RHNO1: variants seen among roughly 807,000 people sequenced by gnomAD.
The protein encoded by RHNO1 is RAD9-HUS1-RAD1 interacting nuclear orphan 1.
Under a neutral mutation model 7.2 loss-of-function variants are expected in RHNO1, and 9 were observed. The observed-to-expected ratio is 1.25, with a 90% CI of 0.75 to 2.18. The LOEUF is 2.18. Ranked by LOEUF, RHNO1 falls within the 30% of genes most tolerant of loss-of-function variation. The pLI is 0.00. For synonymous variants in RHNO1, 95 were observed against 107.5 expected (o/e 0.88, Z 0.72); for missense variants, 292 against 284.5 (o/e 1.03, Z -0.19).
At chr12:2,877,070 G>A (rs904897645), upstream of RHNO1, 17 of 152,130 alleles carry the variant, frequency 1.1e-4, no homozygotes, top group Middle Eastern at 3.2e-3. Flanking sequence ...GGAACCCCGG[G>A]GGATCCCGGG....
intron 1 of RHNO1, among the ~76,000 whole-genome samples, chr12:2,882,536 CTACTT>C (rs1207185883): frequency 6.6e-6 from 1 of 151,858 alleles, no homozygotes; most frequent in Non-Finnish European, 1.5e-5. Flanking sequence ...AACCTCATCT[CTACTT>C]AAAATATAAA....
At chr12:2,887,432 C>G (rs7975158) in intron 2 of RHNO1, among the ~76,000 whole-genome samples, 67,494 of 148,516 alleles carry the variant, frequency 0.45, 16,522 homozygotes, top group East Asian at 0.64. Flanking sequence ...GAGCAGAGAC[C>G]TGCCATTGCA....
At chr12:2,881,619 A>C (rs2153944680) in intron 1 of RHNO1, among the ~76,000 whole-genome samples, 1 of 152,130 alleles carries the variant, frequency 6.6e-6, no homozygotes. Context: ...TAAGAATAGA[A>C]ACTTTGGCTG....
At position 2,885,439 on chromosome 12, in the gene RHNO1, G is replaced by A; in HGVS notation, c.73G>A (p.Gly25Ser). 3.7e-6 allele frequency: 6 copies of A among 1,613,594 alleles called. No individual in the cohort carries two copies. Among genetic ancestry groups the A allele is most frequent in the Non-Finnish European group, 4.2e-6 (5 of 1,179,850 alleles). The change falls in exon 2 of 3, where the codon GGC becomes AGC. Residue 25 changes from glycine to serine, a missense_variant. Gly to Ser is a moderately conservative substitution (Grantham distance 56, BLOSUM62 0). Coordinates refer to ENST00000489288, the MANE Select transcript of RHNO1 (RefSeq NM_001252499.3). The stretch of plus-strand genomic sequence containing the variant: ...GCTGTTCCACCAACAACCACTGGAG[G>A]GCCCCAAACACAGCTGTGCATCTAC... Reference protein sequence around the residue: ...PLLFHQQPLEGPKHSCASTQL... With the variant: ...PLLFHQQPLESPKHSCASTQL...
chr12:2,888,157 A>T lies in RHNO1; in HGVS notation c.415A>T (p.Asn139Tyr). 2 of 1,614,134 alleles carry T rather than the reference A, an allele frequency of 1.2e-6. No individual in the cohort carries two copies. Among genetic ancestry groups the T allele is most frequent in the Non-Finnish European group, 1.7e-6 (2 of 1,180,002 alleles). Reference protein sequence around the residue: ...VPVLSPQSCGNMSVQALQSLP... With the variant: ...VPVLSPQSCGYMSVQALQSLP... ...AGTGCTCAGTCCCCAAAGCTGTGGG[A>T]ACATGTCAGTGCAGGCACTTCAGAG... is the stretch of plus-strand genomic sequence containing the variant. Residue 139 changes from asparagine to tyrosine, a missense_variant, in exon 3 of 3, where the codon AAC becomes TAC. Transcript: ENST00000489288.
At chr12:2,886,581 G>A (rs1402227577) in intron 2 of RHNO1, among the ~76,000 whole-genome samples, 4 of 150,750 alleles carry the variant, frequency 2.7e-5, no homozygotes, top group Admixed American at 1.3e-4. Flanking sequence ...CTCTTGAACC[G>A]GGAGGTCAAG....
In RHNO1 at chr12:2,885,332, C is replaced by A; in HGVS notation, c.-35C>A. On this transcript the variant is annotated 5_prime_UTR_variant, in exon 2 of 3. Transcript: ENST00000489288. ...CCCCCAACCCGAAGGCTAACAGCATCATGTGGTTACTAACTGTTCCTCATT... is the reference window on the plus strand; with the variant it reads ...CCCCCAACCCGAAGGCTAACAGCATAATGTGGTTACTAACTGTTCCTCATT... The A allele has an allele frequency of 6.3e-7, 1 of 1,593,214 alleles. No homozygotes were observed. Among genetic ancestry groups the A allele is most frequent in the Non-Finnish European group, 8.6e-7 (1 of 1,168,420 alleles).
chr12:2,886,906 G>C (rs1034932564), intron 2 of RHNO1: 1 of 451,858 alleles, frequency 2.2e-6, no homozygotes, highest in African/African-American at 2.0e-5. Flanking sequence ...TTATATGCCA[G>C]GTCCTCTGCT....
upstream of RHNO1, chr12:2,876,909 A>C (rs1474695887): frequency 1.3e-5 from 2 of 152,324 alleles, no homozygotes; most frequent in Non-Finnish European, 2.9e-5. Flanking sequence ...CCATTGCTGC[A>C]TCCCGCTCAC....
At chr12:2,887,809 T>C in intron 2 of RHNO1, 102 bp from the exon 3 acceptor site, 1 of 944,200 alleles carries the variant, frequency 1.1e-6, no homozygotes, top group South Asian at 1.9e-5. Flanking sequence ...TTGTGTTCAT[T>C]ACTACAGTAG....
chr12:2,883,496 TATATATATATATA>T (rs2098161147), intron 1 of RHNO1, among the ~76,000 whole-genome samples: 4 of 21,296 alleles, frequency 1.9e-4, no homozygotes, highest in Non-Finnish European at 2.3e-4. Context: ...TATATATATA[TATATATATATATA>T]TATTTTTTTT....
chr12:2,887,893 T>G lies in RHNO1; in HGVS notation c.169-18T>G. ...TAGTACTTAGTTAGGCTCACCTCAC[T>G]TTTTTTTTTTTTTTAAGGTATCACC... On this transcript the variant is annotated intron_variant, in intron 2 of 2. Transcript: ENST00000489288. 3.4e-6 allele frequency: 1 copy of G among 294,554 alleles called. No individual in the cohort carries two copies. Among genetic ancestry groups the G allele is most frequent in the Non-Finnish European group, 5.8e-6 (1 of 172,416 alleles). 18.2% of individuals were successfully genotyped at this position (294,554 alleles called of 1,614,324 possible).
intron 1 of RHNO1, among the ~76,000 whole-genome samples, chr12:2,881,597 A>T (rs775450138): frequency 6.6e-6 from 1 of 152,010 alleles, no homozygotes; most frequent in Non-Finnish European, 1.5e-5. Context: ...TTTCTATAAG[A>T]TGTTAGTTCC....
rs11441422 is a variant in RHNO1, at chr12:2,886,655, C to CAA, written c.168+1142_168+1143dup. On this transcript the variant is annotated intron_variant, in intron 2 of 2. Transcript: ENST00000489288. ...TGGGCAACAGTGTGAGACCCTGTCT[C>CAA]AAAAAAAAAAAAAAAAAAAAAATAG... Among the ~76,000 whole-genome samples the CAA allele has an allele frequency of 5.7e-3, 541 of 94,856 alleles. 6 individuals are homozygous for CAA. Among genetic ancestry groups the CAA allele is most frequent in the African/African-American group, 0.015 (389 of 25,530 alleles). The allele number at this position is 94,856 out of a possible 152,430, so 62.2% of individuals were successfully genotyped here.
intron 1 of RHNO1, among the ~76,000 whole-genome samples, chr12:2,884,058 A>ATTTG (rs113865607): frequency 1.7e-4 from 25 of 150,540 alleles, no homozygotes; most frequent in African/African-American, 5.6e-4. Context: ...GTTTTTTTTT[A>ATTTG]TTTGTTTGTT....
chr12:2,887,073 T>G (rs1345001263), intron 2 of RHNO1: 1 of 437,538 alleles, frequency 2.3e-6, no homozygotes. Flanking sequence ...CCAGGTGTTG[T>G]GGCTTACGCC....
chr12:2,881,854 A>T (rs1295997916), intron 1 of RHNO1, among the ~76,000 whole-genome samples: 2 of 151,584 alleles, frequency 1.3e-5, no homozygotes, highest in Admixed American at 1.3e-4. Flanking sequence ...GTGGTGAGCC[A>T]AGATCGCGCC....
Position 2,888,498 on chromosome 12 carries a change from C to T in RHNO1, c.*39C>T. 6.7e-6 allele frequency: 10 copies of T among 1,499,462 alleles called. No individual in the cohort carries two copies. Among genetic ancestry groups the T allele is most frequent in the Admixed American group, 2.3e-5 (1 of 43,900 alleles). 92.9% of individuals were successfully genotyped at this position (1,499,462 alleles called of 1,614,324 possible). On this transcript the variant is annotated 3_prime_UTR_variant, in exon 3 of 3. Coordinates refer to ENST00000489288, the MANE Select transcript of RHNO1 (RefSeq NM_001252499.3). ...TCTCAATAGAAAAGAGATATGTTTTCTGGAGTCATAAAGGAATTCAATTCC... is the reference window on the plus strand; with the variant it reads ...TCTCAATAGAAAAGAGATATGTTTTTTGGAGTCATAAAGGAATTCAATTCC...
intron 1 of RHNO1, among the ~76,000 whole-genome samples, chr12:2,878,904 G>T (rs1053620626): frequency 2.0e-5 from 3 of 151,832 alleles, no homozygotes; most frequent in Admixed American, 6.6e-5. Flanking sequence ...CGGGCGGGGG[G>T]TTGTCAGGGG....
Sources: allele counts gnomAD v4.1 joint callset (sites outside exome capture counted in the v4.1 genomes callset), GRCh38; gene constraint gnomAD v4.1.1; transcripts MANE v1.5; gene names NCBI Gene and HGNC (gene_info 2026-07-23, HGNC 2026-07-21).